Variants in CCL26 observed in about 807,000 individuals in gnomAD.
CCL26 encodes the protein C-C motif chemokine 26.
In CCL26, 10 loss-of-function variants were observed where a neutral mutation model predicts 10.7. The ratio of observed to expected loss-of-function variants is 0.93; its 90% CI spans 0.57 to 1.58. The LOEUF (loss-of-function observed/expected upper bound fraction) is 1.58, where lower values mean the gene tolerates loss of function less well. Among genes scored for constraint, CCL26 ranks in the 40% most tolerant of loss-of-function variants. The pLI is 0.00. For missense variants in CCL26, 116 were observed against 111.0 expected (o/e 1.05, Z -0.20); for synonymous variants, 43 against 41.4 (o/e 1.04, Z -0.15).
upstream of CCL26, among the ~76,000 whole-genome samples, chr7:75,773,587 T>G (rs1276349892): frequency 6.6e-6 from 1 of 151,832 alleles, no homozygotes; most frequent in Non-Finnish European, 1.5e-5. Flanking sequence ...TTTGTGTGTG[T>G]GTGTGGGGCC....
At chr7:75,782,764 A>G (rs1405468124) in intron 1 of CCL26, among the ~76,000 whole-genome samples, 13 of 152,146 alleles carry the variant, frequency 8.5e-5, no homozygotes, top group Non-Finnish European at 1.6e-4. Flanking sequence ...CCTGACGTCC[A>G]GGCATTCTTT....
intron 1 of CCL26, among the ~76,000 whole-genome samples, chr7:75,784,371 C>T (rs1305132798): frequency 6.6e-6 from 1 of 152,230 alleles, no homozygotes; most frequent in Non-Finnish European, 1.5e-5. Flanking sequence ...CTGACTCCTT[C>T]CCAGATCTTC....
chr7:75,770,690 T>G (rs1802802031), intron 2 of CCL26, among the ~76,000 whole-genome samples: 1 of 152,046 alleles, frequency 6.6e-6, no homozygotes, highest in Admixed American at 6.6e-5. Context: ...CTATTTTATT[T>G]TTTTTGAAAC....
intron 1 of CCL26, among the ~76,000 whole-genome samples, chr7:75,784,060 C>T (rs1254605680): frequency 6.6e-6 from 1 of 152,174 alleles, no homozygotes; most frequent in Non-Finnish European, 1.5e-5. Context: ...AGCCAAGTAG[C>T]AATGTATTTC....
chr7:75,781,216 C>T (rs542059381), intron 1 of CCL26, among the ~76,000 whole-genome samples: 1 of 152,342 alleles, frequency 6.6e-6, no homozygotes, highest in East Asian at 1.9e-4. Context: ...GGCCCTCAAA[C>T]CCCACGACAG....
At chr7:75,780,847 C>G (rs782819089) in intron 1 of CCL26, among the ~76,000 whole-genome samples, 5 of 152,202 alleles carry the variant, frequency 3.3e-5, no homozygotes, top group East Asian at 3.8e-4. Flanking sequence ...TCCGCTCCCC[C>G]ACCCTACAAT....
intron 1 of CCL26, among the ~76,000 whole-genome samples, chr7:75,788,613 T>G (rs911896972): frequency 6.6e-6 from 1 of 151,544 alleles, no homozygotes; most frequent in African/African-American, 2.4e-5. Context: ...GTGGTGTGCG[T>G]CTGTAATCCC....
upstream of CCL26, among the ~76,000 whole-genome samples, chr7:75,776,589 AAAGC>A (rs1239117740): frequency 1.3e-5 from 2 of 151,220 alleles, no homozygotes; most frequent in African/African-American, 2.4e-5. Flanking sequence ...AGGAAGAAGG[AAAGC>A]AAGCAAGAAA....
upstream of CCL26, among the ~76,000 whole-genome samples, chr7:75,773,311 C>T (rs2115645060): frequency 6.6e-6 from 1 of 152,056 alleles, no homozygotes; most frequent in East Asian, 1.9e-4. Flanking sequence ...GTAATCCCAG[C>T]TACTAGGGAG....
chr7:75,772,158 C>G lies in CCL26; in HGVS notation c.19G>C (p.Ala7Pro). The change falls in exon 1 of 3, where the codon GCC (alanine) becomes CCC (proline). Residue 7 changes from alanine (A) to proline (P), a missense_variant. Coordinates refer to ENST00000005180, the MANE Select transcript of CCL26 (RefSeq NM_001371938.1). ...AGGGAGGCCAGGAGCACAGCAGAGG[C>G]CAAGGAGAGGCCCATCATGATGCTG... MMGLSL[A>P]SAVLLASLLS... The G allele has an allele frequency of 6.4e-7, 1 of 1,552,938 alleles. No homozygotes were observed. Among genetic ancestry groups the G allele is most frequent in the African/African-American group, 1.4e-5 (1 of 73,206 alleles).
chr7:75,781,129 G>A (rs1198156515), intron 1 of CCL26, among the ~76,000 whole-genome samples: 8 of 152,304 alleles, frequency 5.3e-5, no homozygotes, highest in African/African-American at 1.9e-4. Context: ...AAGGTCAGAA[G>A]GCCGTCTTAT....
chr7:75,776,346 C>T (rs868978629), upstream of CCL26, among the ~76,000 whole-genome samples: 29 of 151,676 alleles, frequency 1.9e-4, no homozygotes, highest in South Asian at 2.1e-4. Context: ...GCTGGGATTA[C>T]AGGTGTGAGC....
Position 75,772,171 on chromosome 7 carries a change from C to T in CCL26, c.6G>A (p.Met2Ile), listed in dbSNP as rs782287971. Residue 2 changes from methionine (M) to isoleucine (I), a missense_variant, in exon 1 of 3, where the codon ATG becomes ATA. Coordinates refer to ENST00000005180, the MANE Select transcript of CCL26 (RefSeq NM_001371938.1). M[M>I]GLSLASAVLL... is the part of the protein sequence containing the mutation. ...GCACAGCAGAGGCCAAGGAGAGGCC[C>T]ATCATGATGCTGCAAATCAGGCCCT... 3.0e-5 allele frequency: 47 copies of T among 1,550,702 alleles called. No homozygotes were observed. Among genetic ancestry groups the T allele is most frequent in the Non-Finnish European group, 4.1e-5 (47 of 1,146,958 alleles).
chr7:75,771,808 G>C, intron 2 of CCL26, 81 bp downstream of exon 2: 1 of 870,306 alleles, frequency 1.1e-6, no homozygotes, highest in South Asian at 1.4e-5. Flanking sequence ...CCATCCCAAG[G>C]CTCATCCTGG....
chr7:75,782,305 G>A (rs969641713), intron 1 of CCL26, among the ~76,000 whole-genome samples: 1 of 152,078 alleles, frequency 6.6e-6, no homozygotes, highest in Admixed American at 6.6e-5. Context: ...ATCATTGCGG[G>A]GACGCCTCTC....
At chr7:75,784,018 G>A (rs184517220) in intron 1 of CCL26, among the ~76,000 whole-genome samples, 70 of 152,240 alleles carry the variant, frequency 4.6e-4, no homozygotes, top group African/African-American at 1.3e-3. Flanking sequence ...TAATAACCTC[G>A]CCTTCAAGGT....
chr7:75,776,324 G>C (rs1032813647), upstream of CCL26, among the ~76,000 whole-genome samples: 1 of 151,320 alleles, frequency 6.6e-6, no homozygotes, highest in Non-Finnish European at 1.5e-5. Flanking sequence ...CACCTGCCTC[G>C]GTCTCCCAAG....
At chr7:75,773,286 C>T (rs782223768), upstream of CCL26, among the ~76,000 whole-genome samples, 94 of 151,738 alleles carry the variant, frequency 6.2e-4, no homozygotes, top group Non-Finnish European at 5.0e-4. Flanking sequence ...TAGCCAGGCA[C>T]GGTGGCGGGC....
intron 2 of CCL26, 56 bp from the exon 3 acceptor site, chr7:75,769,845 G>T: frequency 9.3e-7 from 1 of 1,079,886 alleles, no homozygotes; most frequent in Non-Finnish European, 1.4e-6. Flanking sequence ...TCCTGGGGTG[G>T]GATAGAAAGG....
Sources: allele counts gnomAD v4.1 joint callset (sites outside exome capture counted in the v4.1 genomes callset), GRCh38; gene constraint gnomAD v4.1.1; transcripts MANE v1.5; gene names NCBI Gene and HGNC (gene_info 2026-07-23, HGNC 2026-07-21).